Variants in N4BP2L2 observed in about 807,000 individuals in gnomAD.
The protein encoded by N4BP2L2 is NEDD4-binding protein 2-like 2.
In N4BP2L2, 50 loss-of-function variants were observed where a neutral mutation model predicts 56.2. The ratio of observed to expected loss-of-function variants is 0.89; its 90% CI spans 0.71 to 1.13. The LOEUF (loss-of-function observed/expected upper bound fraction) is 1.13. N4BP2L2 is among the 50% of genes most tolerant of loss of function. The pLI, the probability that N4BP2L2 is intolerant of heterozygous loss-of-function variation, is 0.00. For synonymous variants in N4BP2L2, 203 were observed against 223.6 expected, an observed-to-expected ratio of 0.91 and a Z score of 0.82; for missense variants, 689 against 693.8, an observed-to-expected ratio of 0.99 and a Z score of 0.08.
intron 6 of N4BP2L2, among the ~76,000 whole-genome samples, chr13:32,494,693 G>A (rs2088103148): frequency 6.6e-6 from 1 of 152,150 alleles, no homozygotes; most frequent in Non-Finnish European, 1.5e-5. Flanking sequence ...GTGAACCCGG[G>A]AGGCGGAGCT....
chr13:32,432,722 C>T (rs901775850), exon 10 of N4BP2L2: 10 of 152,156 alleles, frequency 6.6e-5, no homozygotes, highest in Admixed American at 3.9e-4. Context: ...CTGTGCCTTA[C>T]TTTCTTCTAT....
intron 6 of N4BP2L2, among the ~76,000 whole-genome samples, chr13:32,448,706 C>A (rs573257669): frequency 6.2e-4 from 94 of 152,000 alleles, no homozygotes; most frequent in African/African-American, 2.1e-3. Context: ...AAGTGATAAC[C>A]CTCATGAAAA....
In N4BP2L2 at chr13:32,533,904, C is replaced by T. The variant is rs565448046; in HGVS notation, c.1259+1865G>A. On this transcript the variant is annotated intron_variant, in intron 2 of 5. Transcript: ENST00000267068. ...TCCAAATAACCAACACCAGTTCACT[C>T]AAAACGTGTTGACCTAAAGAGGTAC... is the stretch of plus-strand genomic sequence containing the variant. Among the ~76,000 whole-genome samples the T allele has an allele frequency of 3.9e-5, 6 of 152,250 alleles. No individual in the cohort carries two copies. In the South Asian group the frequency reaches 1.2e-3, roughly 32 times the overall value.
intron 3 of N4BP2L2, chr13:32,523,528 T>C (rs555596974): frequency 6.8e-6 from 1 of 146,032 alleles, no homozygotes; most frequent in Admixed American, 6.7e-5. Context: ...CTACTCAAAA[T>C]ACAAAAATTA....
chr13:32,513,556 C>T (rs772923963), exon 6 of N4BP2L2: 4 of 152,096 alleles, frequency 2.6e-5, no homozygotes, highest in Non-Finnish European at 4.4e-5. Context: ...AGAAAATTCA[C>T]GAAGACACAG....
At chr13:32,492,378 A>C (rs562703712) in intron 6 of N4BP2L2, among the ~76,000 whole-genome samples, 1 of 139,810 alleles carries the variant, frequency 7.2e-6, no homozygotes, top group East Asian at 2.2e-4. Flanking sequence ...CGCCTCCCGG[A>C]TTCACGCCAT....
chr13:32,458,112 T>C (rs1024731088), intron 6 of N4BP2L2, among the ~76,000 whole-genome samples: 3 of 151,828 alleles, frequency 2.0e-5, no homozygotes, highest in Non-Finnish European at 4.4e-5. Flanking sequence ...TTGCCCAGGC[T>C]AGAGTGCAGT....
intron 6 of N4BP2L2, chr13:32,477,209 G>A: frequency 2.3e-6 from 1 of 439,414 alleles, no homozygotes; most frequent in Non-Finnish European, 4.3e-6. Flanking sequence ...TGGAGGAGAG[G>A]ATGCCCTGGC....
intron 2 of N4BP2L2, among the ~76,000 whole-genome samples, chr13:32,528,559 G>C (rs73447377): frequency 1.3e-5 from 2 of 152,302 alleles, no homozygotes; most frequent in Admixed American, 6.5e-5. Context: ...ACTCATGAAA[G>C]AAATTGGGAG....
chr13:32,466,486 G>A (rs2081258191), intron 6 of N4BP2L2, among the ~76,000 whole-genome samples: 1 of 151,932 alleles, frequency 6.6e-6, no homozygotes, highest in East Asian at 1.9e-4. Context: ...AGAATCCCTT[G>A]AACCCAGGAG....
intron 3 of N4BP2L2, 39 bp downstream of exon 3, chr13:32,527,369 C>T: frequency 6.2e-7 from 1 of 1,600,144 alleles, no homozygotes; most frequent in South Asian, 1.1e-5. Flanking sequence ...TGACTCCTAG[C>T]CAAATATTCT....
At chr13:32,486,174 G>A (rs1038965995) in intron 6 of N4BP2L2, among the ~76,000 whole-genome samples, 24 of 152,100 alleles carry the variant, frequency 1.6e-4, no homozygotes, top group African/African-American at 5.6e-4. Context: ...AATGGTGAAA[G>A]GCTAAATATT....
chr13:32,524,916 C>T (rs1045297376), intron 3 of N4BP2L2: 1 of 152,214 alleles, frequency 6.6e-6, no homozygotes, highest in Non-Finnish European at 1.5e-5. Flanking sequence ...GTGTGCACCA[C>T]CACACCTGGC....
downstream of N4BP2L2, chr13:32,506,934 T>A (rs2091047254): frequency 7.2e-6 from 1 of 139,486 alleles, no homozygotes; most frequent in Non-Finnish European, 1.7e-5. Context: ...TTTAAAAAGA[T>A]CACTCTGACA....
intron 6 of N4BP2L2, among the ~76,000 whole-genome samples, chr13:32,504,267 C>T (rs967305155): frequency 2.6e-5 from 4 of 152,168 alleles, no homozygotes; most frequent in African/African-American, 9.7e-5. Flanking sequence ...CAACAAAGTA[C>T]CAAAGACTAG....
intron 6 of N4BP2L2, among the ~76,000 whole-genome samples, chr13:32,449,018 A>G (rs996431421): frequency 6.6e-6 from 1 of 152,158 alleles, no homozygotes; most frequent in African/African-American, 2.4e-5. Flanking sequence ...AGTTGTTGTA[A>G]GGACCACTAA....
intron 6 of N4BP2L2, among the ~76,000 whole-genome samples, chr13:32,482,613 A>G (rs1258536428): frequency 6.6e-6 from 1 of 150,800 alleles, no homozygotes; most frequent in Non-Finnish European, 1.5e-5. Flanking sequence ...TGATCCTCCC[A>G]CCTCAGCCTC....
intron 6 of N4BP2L2, among the ~76,000 whole-genome samples, chr13:32,482,281 T>G (rs945943632): frequency 3.3e-5 from 5 of 152,230 alleles, no homozygotes; most frequent in African/African-American, 1.2e-4. Context: ...TGACACGATA[T>G]ATTTATTTTA....
chr13:32,451,091 C>G (rs548799265), intron 6 of N4BP2L2, among the ~76,000 whole-genome samples: 1 of 152,066 alleles, frequency 6.6e-6, no homozygotes, highest in South Asian at 2.1e-4. Context: ...AATGAGTCAA[C>G]CACACAACTG....
Sources: gnomAD v4.1 joint callset for allele counts (sites outside exome capture counted in the v4.1 genomes callset) on GRCh38, gnomAD v4.1.1 for gene constraint, MANE v1.5 for transcripts, NCBI Gene and HGNC (gene_info 2026-07-23, HGNC 2026-07-21) for gene names.